The following RPL34 variants were observed in gnomAD, a reference collection of about 807,000 sequenced individuals.
RPL34 encodes large ribosomal subunit protein eL34.
Under a neutral mutation model 16.3 loss-of-function variants are expected in RPL34, and 2 were observed. That is an observed-to-expected ratio of 0.12 (90% CI 0.05 to 0.39). The LOEUF is 0.39. Ranked by LOEUF, RPL34 falls within the 10% of genes least tolerant of loss-of-function variation. RPL34 has a pLI of 0.99. For missense variants in RPL34, 82 were observed against 148.8 expected, an observed-to-expected ratio of 0.55 and a Z score of 2.33; for synonymous variants, 47 against 48.5, an observed-to-expected ratio of 0.97 and a Z score of 0.13.
downstream of RPL34, among the ~76,000 whole-genome samples, chr4:108,626,982 G>A (rs933573645): frequency 2.6e-5 from 4 of 152,118 alleles, no homozygotes; most frequent in Non-Finnish European, 2.9e-5. Context: ...GTTCATGCCT[G>A]TAATCCCAGT....
At chr4:108,625,485 A>G (rs1031533068), downstream of RPL34, 4 of 277,912 alleles carry the variant, frequency 1.4e-5, no homozygotes, top group East Asian at 7.5e-5. Flanking sequence ...TTCCAGGTTC[A>G]AGTGATTCTC....
intron 3 of RPL34, 95 bp from the exon 4 acceptor site, chr4:108,622,420 T>G (rs1725823045): frequency 2.1e-6 from 2 of 948,338 alleles, no homozygotes; most frequent in Admixed American, 3.9e-5. Context: ...CCATTTCCCT[T>G]TGTAACCTAC....
chr4:108,624,172 G>T (rs1482211498), intron 4 of RPL34, among the ~76,000 whole-genome samples: 1 of 152,132 alleles, frequency 6.6e-6, no homozygotes, highest in Non-Finnish European at 1.5e-5. Context: ...TTGAATTTAG[G>T]TTTACAGGAT....
In RPL34 at chr4:108,623,755, T is replaced by C. The variant is rs531857721; in HGVS notation, c.269+1137T>C. On this transcript the variant is annotated intron_variant, in intron 4 of 4. Transcript: ENST00000394667. ...TTTTGACACCAAATGCAGGCTTCAT[T>C]CTGCATTTTAGGAGGTAGATTGTAA... 5.0e-4 allele frequency among the ~76,000 whole-genome samples: 76 copies of C among 152,316 alleles called. 1 individual carries two copies. Among genetic ancestry groups the C allele is most frequent in the African/African-American group, 1.8e-3 (73 of 41,560 alleles).
intron 4 of RPL34, among the ~76,000 whole-genome samples, chr4:108,624,859 G>A (rs573930564): frequency 6.6e-6 from 1 of 151,910 alleles, no homozygotes; most frequent in Non-Finnish European, 1.5e-5. Context: ...CAATAAATTA[G>A]AGCTCTCATA....
chr4:108,626,957 T>C (rs909368210), downstream of RPL34, among the ~76,000 whole-genome samples: 35 of 152,232 alleles, frequency 2.3e-4, no homozygotes, highest in Admixed American at 2.1e-3. Context: ...CATGCTTTTC[T>C]GGCTGGACGC....
Position 108,625,323 on chromosome 4 carries a change from G to A in RPL34, c.*111G>A. On this transcript the variant is annotated 3_prime_UTR_variant, in exon 5 of 5. Coordinates refer to ENST00000394667, the MANE Select transcript of RPL34 (RefSeq NM_001319236.2). ...AGATTTTGTTTCTGTATGGTATTTG[G>A]GGACCCTATAGTTTTTAGCAGATTA... The A allele has an allele frequency of 4.8e-6, 3 of 627,362 alleles. 1 individual carries two copies. The South Asian group carries it at 6.0e-5, about 12-fold the overall frequency. 38.9% of individuals were successfully genotyped at this position (627,362 alleles called of 1,614,324 possible).
downstream of RPL34, among the ~76,000 whole-genome samples, chr4:108,627,856 CAAAA>C (rs113128106): frequency 0.019 from 2,251 of 117,440 alleles, 35 homozygotes; most frequent in Middle Eastern, 0.13. Flanking sequence ...TGAGACTCCT[CAAAA>C]AAAAAAAAAA....
At chr4:108,628,121 A>G (rs769057292), downstream of RPL34, among the ~76,000 whole-genome samples, 2 of 152,228 alleles carry the variant, frequency 1.3e-5, no homozygotes, top group East Asian at 3.8e-4. Context: ...CCCTGTTGTC[A>G]ACATTCATAG....
At chr4:108,624,856 T>C (rs1725938285) in intron 4 of RPL34, among the ~76,000 whole-genome samples, 1 of 152,046 alleles carries the variant, frequency 6.6e-6, no homozygotes, top group African/African-American at 2.4e-5. Flanking sequence ...TAACAATAAA[T>C]TAGAGCTCTC....
In RPL34 at chr4:108,625,333, A is replaced by C. The variant is rs1303733261; in HGVS notation, c.*121A>C. ...TCTGTATGGTATTTGGGGACCCTAT[A>C]GTTTTTAGCAGATTACTTTTTCTTG... On this transcript the variant is annotated 3_prime_UTR_variant, in exon 5 of 5. Coordinates refer to ENST00000394667, the MANE Select transcript of RPL34 (RefSeq NM_001319236.2). 5.3e-6 allele frequency: 3 copies of C among 569,364 alleles called. No individual in the cohort carries two copies. The Admixed American group carries it at 9.5e-5, about 18-fold the overall frequency. 35.3% of individuals were successfully genotyped at this position (569,364 alleles called of 1,614,324 possible).
At chr4:108,621,648 G>C (rs1725779366) in intron 1 of RPL34, 1 of 305,146 alleles carries the variant, frequency 3.3e-6, no homozygotes, top group African/African-American at 2.1e-5. Flanking sequence ...TCTCCAACTG[G>C]GCTCGTGGCA....
chr4:108,628,884 G>A (rs141640388), downstream of RPL34, among the ~76,000 whole-genome samples: 215 of 152,228 alleles, frequency 1.4e-3, no homozygotes, highest in African/African-American at 4.7e-3. Context: ...GTGCAGTGAC[G>A]CGATCTCAGC....
chr4:108,626,293 C>A (rs960346190), downstream of RPL34, among the ~76,000 whole-genome samples: 1 of 151,850 alleles, frequency 6.6e-6, no homozygotes, highest in African/African-American at 2.4e-5. Context: ...ACCACCATGC[C>A]TGGCTCATTT....
At chr4:108,630,302 G>A (rs1195335320), downstream of RPL34, 1 of 151,980 alleles carries the variant, frequency 6.6e-6, no homozygotes, top group Non-Finnish European at 1.5e-5. Flanking sequence ...TATATATCTG[G>A]TACATGTTTG....
chr4:108,625,260 A>G lies in RPL34; in HGVS notation c.*48A>G. On this transcript the variant is annotated 3_prime_UTR_variant, in exon 5 of 5. Transcript: ENST00000394667. ...ATAAAAATGAAAAGACGCTGTATGT[A>G]TGACTTTTTTTTTTTCTGTTGTAAT... is the stretch of plus-strand genomic sequence containing the variant. 1 of 1,182,712 alleles carries G rather than the reference A, an allele frequency of 8.5e-7. No individual in the cohort carries two copies. Among genetic ancestry groups the G allele is most frequent in the Non-Finnish European group, 1.2e-6 (1 of 813,760 alleles). The allele number at this position is 1,182,712 out of a possible 1,614,324, so 73.3% of individuals were successfully genotyped here.
At chr4:108,625,047 T>C (rs1181043222) in intron 4 of RPL34, 81 bp from the exon 5 acceptor site, 7 of 934,564 alleles carry the variant, frequency 7.5e-6, no homozygotes, top group African/African-American at 6.6e-5. Context: ...CTTGGTTCTT[T>C]ACCATGTTTG....
intron 4 of RPL34, 34 bp from the exon 5 acceptor site, chr4:108,625,094 A>G: frequency 7.0e-7 from 1 of 1,436,768 alleles, no homozygotes; most frequent in Non-Finnish European, 9.7e-7. Context: ...AGTTCATTTT[A>G]AAGAAATGAT....
intron 1 of RPL34, chr4:108,621,647 G>GGGCT (rs1725779476): frequency 3.3e-6 from 1 of 305,558 alleles, no homozygotes; most frequent in Non-Finnish European, 6.3e-6. Context: ...TTCTCCAACT[G>GGGCT]GGCTCGTGGC....
Sources: gnomAD v4.1 joint callset for allele counts (sites outside exome capture counted in the v4.1 genomes callset) on GRCh38, gnomAD v4.1.1 for gene constraint, MANE v1.5 for transcripts, NCBI Gene and HGNC (gene_info 2026-07-23, HGNC 2026-07-21) for gene names.